Variants in GPR157 observed in about 807,000 individuals in gnomAD.
GPR157 encodes G-protein coupled receptor 157.
GPR157 carries 16 observed loss-of-function variants against 23.5 expected under a neutral mutation model. The ratio of observed to expected loss-of-function variants is 0.68; its 90% CI spans 0.46 to 1.04. GPR157 has a LOEUF of 1.04. Ranked by LOEUF, GPR157 falls within the 50% of genes least tolerant of loss-of-function variation. GPR157 has a pLI of 0.00. For synonymous variants in GPR157, 200 were observed against 221.5 expected (o/e 0.90, Z 0.86); for missense variants, 440 against 460.7 (o/e 0.96, Z 0.41).
chr1:9,105,412 T>C lies in GPR157; in HGVS notation c.792+74A>G. 7.4e-7 allele frequency: 1 copy of C among 1,349,004 alleles called. No homozygotes were observed. The allele number at this position is 1,349,004 out of a possible 1,614,324, so 83.6% of individuals were successfully genotyped here. A position where few individuals can be genotyped will look rare whatever the true frequency, so the allele number is the denominator to read the frequency against. On this transcript the variant is annotated intron_variant, in intron 3 of 3. Transcript: ENST00000377411. The surrounding 1 kb of genome is among the most constrained non-coding windows in gnomAD (Gnocchi z 4.8). ...TTGGCCGACACTGGGGTGCAGCCAC[T>C]GTGCTGCGGGAAGGAATCAGGCTGT...
At position 9,105,693 on chromosome 1, in the gene GPR157, A is replaced by G; in HGVS notation, c.598-13T>C. 6.3e-7 allele frequency: 1 copy of G among 1,589,050 alleles called. No homozygotes were observed. Among genetic ancestry groups the G allele is most frequent in the East Asian group, 2.3e-5 (1 of 44,328 alleles). On this transcript the variant is annotated splice_polypyrimidine_tract_variant and intron_variant, in intron 2 of 3. Transcript: ENST00000377411. This position sits in a 1 kb window ranked among gnomAD's most constrained non-coding sequence, Gnocchi z 4.8. ...AGAGTGCCGTGTGCTGTGTGGGGACAGCGAGGGCAGACTTGAGTGGATAGG... is the reference window on the plus strand; with the variant it reads ...AGAGTGCCGTGTGCTGTGTGGGGACGGCGAGGGCAGACTTGAGTGGATAGG...
Position 9,115,746 on chromosome 1 carries a change from T to C in GPR157, c.384-4257A>G, listed in dbSNP as rs556483548. ...AGATAAGTAACACTTAAGTTTAATC[T>C]ATACCTTTAATGTCTTCTCCATTAC... On this transcript the variant is annotated intron_variant, in intron 1 of 3. Coordinates refer to ENST00000377411, the MANE Select transcript of GPR157 (RefSeq NM_024980.5). 2.6e-4 allele frequency among the ~76,000 whole-genome samples: 40 copies of C among 152,052 alleles called. No homozygotes were observed. In the South Asian group the frequency reaches 3.5e-3, roughly 13 times the overall value.
chr1:9,121,842 C>T (rs755004744), intron 1 of GPR157, among the ~76,000 whole-genome samples: 4 of 152,132 alleles, frequency 2.6e-5, no homozygotes, highest in Non-Finnish European at 5.9e-5. Flanking sequence ...GGGGGCTAGA[C>T]CCTGCTGGAG....
chr1:9,117,986 G>T (rs1638722192), intron 1 of GPR157, among the ~76,000 whole-genome samples: 2 of 152,314 alleles, frequency 1.3e-5, no homozygotes, highest in South Asian at 4.1e-4. Flanking sequence ...GGTTGGAGGG[G>T]TCATCCTGCT....
Position 9,119,308 on chromosome 1 carries a change from C to T in GPR157, c.384-7819G>A, listed in dbSNP as rs144352742. ...TCGGCCTCCCAAAGTGCTGGGATTA[C>T]AGACGTGAACCACAATGACCGGCCA... On this transcript the variant is annotated intron_variant, in intron 1 of 3. Coordinates refer to ENST00000377411, the MANE Select transcript of GPR157 (RefSeq NM_024980.5). 4.2e-3 allele frequency among the ~76,000 whole-genome samples: 640 copies of T among 152,278 alleles called. 3 individuals carry two copies. Among genetic ancestry groups the T allele is most frequent in the Middle Eastern group, 0.01 (3 of 294 alleles).
At chr1:9,125,819 T>C (rs1487173202) in intron 1 of GPR157, among the ~76,000 whole-genome samples, 3 of 152,164 alleles carry the variant, frequency 2.0e-5, no homozygotes, top group Admixed American at 6.5e-5. Context: ...TTTTAGATTA[T>C]CTCATTAGAC....
intron 1 of GPR157, among the ~76,000 whole-genome samples, chr1:9,123,297 TATTTA>T (rs1253772649): frequency 1.5e-3 from 71 of 48,280 alleles, no homozygotes; most frequent in Non-Finnish European, 2.4e-3. Context: ...AATTAATATA[TATTTA>T]ATTTAAATAT....
In GPR157 at chr1:9,116,347, T is replaced by TTATATATATAATATATATA. The variant is rs1557698217; in HGVS notation, c.384-4859_384-4858insTATATATATTATATATATA. On this transcript the variant is annotated intron_variant, in intron 1 of 3. Transcript: ENST00000377411. The stretch of plus-strand genomic sequence containing the variant: ...ATATAAATTATATATAATTTATATA[T>TTATATATATAATATATATA]AATTATATATAAATTATATATATAT... 8.2e-4 allele frequency among the ~76,000 whole-genome samples: 24 copies of TTATATATATAATATATATA among 29,092 alleles called. 3 individuals are homozygous for TTATATATATAATATATATA. The highest frequency in any genetic ancestry group is 9.8e-4 in the Non-Finnish European group (20 of 20,476). The allele number at this position is 29,092 out of a possible 152,430, so 19.1% of individuals were successfully genotyped here. A position where few individuals can be genotyped will look rare whatever the true frequency, so the allele number is the denominator to read the frequency against.
At chr1:9,127,285 CCTT>C (rs781391160) in intron 1 of GPR157, among the ~76,000 whole-genome samples, 1 of 152,110 alleles carries the variant, frequency 6.6e-6, no homozygotes, top group Non-Finnish European at 1.5e-5. Flanking sequence ...GCTGGGCAAT[CCTT>C]CTTTTCCACA....
At chr1:9,121,006 G>A (rs1035714896) in intron 1 of GPR157, among the ~76,000 whole-genome samples, 3 of 152,202 alleles carry the variant, frequency 2.0e-5, no homozygotes, top group South Asian at 2.1e-4. Context: ...CCACTGGCTT[G>A]TCCTTGCAGT....
intron 1 of GPR157, among the ~76,000 whole-genome samples, chr1:9,127,449 C>T (rs1195257555): frequency 1.3e-5 from 2 of 152,210 alleles, no homozygotes; most frequent in African/African-American, 4.8e-5. Flanking sequence ...GGGGCCCACA[C>T]CCAGCCAGCC....
Position 9,128,643 on chromosome 1 carries a change from A to T in GPR157, c.383+2T>A. On this transcript the variant is annotated splice_donor_variant, in intron 1 of 3. Coordinates refer to ENST00000377411, the MANE Select transcript of GPR157 (RefSeq NM_024980.5). LOFTEE classifies it high-confidence loss of function. The surrounding 1 kb of genome is among the most constrained non-coding windows in gnomAD (Gnocchi z 6.3). Reference sequence around the variant, plus strand: ...TGGAAAAGCAGCGCCACCGCCACCCACCTGACGACATGGAAGGCCCAAAGC... The same window carrying T: ...TGGAAAAGCAGCGCCACCGCCACCCTCCTGACGACATGGAAGGCCCAAAGC... The T allele has an allele frequency of 6.2e-7, 1 of 1,612,610 alleles. No individual in the cohort carries two copies. The highest frequency in any genetic ancestry group is 8.5e-7 in the Non-Finnish European group (1 of 1,179,728).
chr1:9,116,189 TA>T (rs1638637805), intron 1 of GPR157, among the ~76,000 whole-genome samples: 1 of 33,842 alleles, frequency 3.0e-5, no homozygotes, highest in Non-Finnish European at 4.3e-5. Flanking sequence ...ATTATATATA[TA>T]ATATAATTAT....
In GPR157 at chr1:9,128,961, C is replaced by T; in HGVS notation, c.67G>A (p.Ala23Thr). 2 of 1,473,944 alleles carry T rather than the reference C, an allele frequency of 1.4e-6. No homozygotes were observed. The highest frequency in any genetic ancestry group is 9.0e-7 in the Non-Finnish European group (1 of 1,114,618). The allele number at this position is 1,473,944 out of a possible 1,614,324, so 91.3% of individuals were successfully genotyped here. ...AGGCCCGAGCCGAGCGCGGAGAGTGCGCACGACAGCAGCACCACGGCGCGC... is the reference window on the plus strand; with the variant it reads ...AGGCCCGAGCCGAGCGCGGAGAGTGTGCACGACAGCAGCACCACGGCGCGC... ...SERAVVLLSC[A>T]LSALGSGLLV... is the part of the protein sequence containing the mutation. Residue 23 changes from alanine (A) to threonine (T), a missense_variant, in exon 1 of 4, where the codon GCA becomes ACA. Coordinates refer to ENST00000377411, the MANE Select transcript of GPR157 (RefSeq NM_024980.5). This position sits in a 1 kb window ranked among gnomAD's most constrained non-coding sequence, Gnocchi z 6.3.
intron 1 of GPR157, among the ~76,000 whole-genome samples, chr1:9,114,492 T>C (rs1042206913): frequency 2.6e-5 from 4 of 151,828 alleles, no homozygotes; most frequent in Admixed American, 2.6e-4. Flanking sequence ...AGGAGGCTGG[T>C]CTGGAGCTGG....
rs776388866 is a variant in GPR157, at chr1:9,105,713, G to C, written c.598-33C>G. On this transcript the variant is annotated intron_variant, in intron 2 of 3. Transcript: ENST00000377411. The surrounding 1 kb of genome is among the most constrained non-coding windows in gnomAD (Gnocchi z 4.8). Reference sequence around the variant, plus strand: ...GGGACAGCGAGGGCAGACTTGAGTGGATAGGCACCCTCCCGCCACGTCCAC... The same window carrying C: ...GGGACAGCGAGGGCAGACTTGAGTGCATAGGCACCCTCCCGCCACGTCCAC... 5 of 1,548,062 alleles carry C rather than the reference G, an allele frequency of 3.2e-6. No homozygotes were observed. Among genetic ancestry groups the C allele is most frequent in the Non-Finnish European group, 4.4e-6 (5 of 1,141,010 alleles).
chr1:9,119,672 C>A (rs1638759122), intron 1 of GPR157, among the ~76,000 whole-genome samples: 1 of 152,162 alleles, frequency 6.6e-6, no homozygotes, highest in South Asian at 2.1e-4. Context: ...TCAGGGATGA[C>A]TTGGAAACTC....
chr1:9,114,591 G>A (rs886229611), intron 1 of GPR157, among the ~76,000 whole-genome samples: 2 of 152,126 alleles, frequency 1.3e-5, no homozygotes, highest in Admixed American at 6.6e-5. Context: ...TCTGCATCCC[G>A]ACGGGCCCTC....
chr1:9,114,346 G>T (rs1267981778), intron 1 of GPR157, among the ~76,000 whole-genome samples: 1 of 77,616 alleles, frequency 1.3e-5, no homozygotes, highest in African/African-American at 5.4e-5. Flanking sequence ...AAAAAAAAAA[G>T]TAATCGGCTC....
Sources: allele counts gnomAD v4.1 joint callset (sites outside exome capture counted in the v4.1 genomes callset), GRCh38; gene constraint gnomAD v4.1.1; non-coding constraint Gnocchi (gnomAD v3.1); transcripts MANE v1.5; gene names NCBI Gene and HGNC (gene_info 2026-07-23, HGNC 2026-07-21).